The following WWP2 variants were observed in gnomAD, a reference collection of about 807,000 sequenced individuals.
WWP2 encodes WW domain containing E3 ubiquitin protein ligase 2, also known as NEDD4-like E3 ubiquitin-protein ligase WWP2.
Under a neutral mutation model 121.0 loss-of-function variants are expected in WWP2, and 57 were observed. The ratio of observed to expected loss-of-function variants is 0.47; its 90% CI spans 0.38 to 0.59. The LOEUF is 0.59. WWP2 is among the 20% of genes least tolerant of loss of function. The pLI is 0.00. For missense variants in WWP2, 962 were observed against 1,158.9 expected (o/e 0.83, Z 2.47); for synonymous variants, 449 against 441.3 (o/e 1.02, Z -0.22).
chr16:69,917,587 TA>T, intron 9 of WWP2, 121 bp from the exon 10 acceptor site: 1 of 1,179,996 alleles, frequency 8.5e-7, no homozygotes, highest in Non-Finnish European at 1.2e-6. Flanking sequence ...TATAATCAGC[TA>T]AGCCCCAGCA....
intron 4 of WWP2, among the ~76,000 whole-genome samples, chr16:69,819,759 A>G (rs2056559575): frequency 6.6e-6 from 1 of 152,192 alleles, no homozygotes; most frequent in African/African-American, 2.4e-5. Flanking sequence ...ATTTTTAAAA[A>G]TCATTAATTC....
intron 7 of WWP2, among the ~76,000 whole-genome samples, chr16:69,875,693 C>G (rs1311808022): frequency 6.6e-6 from 1 of 152,218 alleles, no homozygotes; most frequent in South Asian, 2.1e-4. Flanking sequence ...GACACAACTC[C>G]TAATCTATTC....
At chr16:69,913,339 A>T (rs1032250550) in intron 9 of WWP2, among the ~76,000 whole-genome samples, 1 of 151,748 alleles carries the variant, frequency 6.6e-6, no homozygotes, top group Non-Finnish European at 1.5e-5. Context: ...AGCCAAAAAA[A>T]AGTTTTTTTT....
At chr16:69,836,388 G>C (rs1470541349) in intron 4 of WWP2, among the ~76,000 whole-genome samples, 1 of 151,614 alleles carries the variant, frequency 6.6e-6, no homozygotes, top group African/African-American at 2.4e-5. Context: ...GCATCTGATT[G>C]CTTCCTCATG....
At chr16:69,912,369 TCACACACACACACACACACACACA>T (rs3051446) in intron 9 of WWP2, among the ~76,000 whole-genome samples, 4 of 140,196 alleles carry the variant, frequency 2.9e-5, no homozygotes, top group East Asian at 4.2e-4. Flanking sequence ...GGAGTTAGAT[TCACACACACACACACACACACACA>T]CACACACACA....
rs1021186044 is a variant in WWP2, at chr16:69,935,775, G to A, written c.1843-78G>A. On this transcript the variant is annotated intron_variant, in intron 17 of 23. Transcript: ENST00000359154. The surrounding 1 kb of genome is among the most constrained non-coding windows in gnomAD (Gnocchi z 5.2). ...AAGGCGGGTAGCGGTAGCAGAGTTT[G>A]ATACCGAGCATCTGAGAGCTGGTCT... The A allele has an allele frequency of 1.5e-5, 23 of 1,536,652 alleles. No homozygotes were observed. The Admixed American group carries it at 4.6e-4, about 31-fold the overall frequency.
intron 5 of WWP2, among the ~76,000 whole-genome samples, chr16:69,840,505 A>G (rs1230884234): frequency 2.0e-5 from 3 of 152,228 alleles, no homozygotes; most frequent in South Asian, 2.1e-4. Flanking sequence ...TAGCAGAGAA[A>G]AACATCTTTC....
intron 9 of WWP2, chr16:69,910,257 G>C (rs893897963): frequency 5.9e-5 from 28 of 473,290 alleles, no homozygotes; most frequent in Non-Finnish European, 7.4e-5. Context: ...ATCATTAACA[G>C]TATTTTGTTT....
intron 1 of WWP2, among the ~76,000 whole-genome samples, chr16:69,773,542 A>G (rs1314835484): frequency 5.9e-5 from 9 of 151,504 alleles, no homozygotes; most frequent in African/African-American, 2.4e-5. Context: ...AGTGCAGTGG[A>G]GTGATTACAG....
chr16:69,864,234 G>A (rs529335784), intron 6 of WWP2, among the ~76,000 whole-genome samples: 1 of 152,224 alleles, frequency 6.6e-6, no homozygotes, highest in African/African-American at 2.4e-5. Flanking sequence ...TGGACATGGT[G>A]GTGCGCACCT....
At chr16:69,792,394 G>A (rs1016701260) in intron 2 of WWP2, among the ~76,000 whole-genome samples, 2 of 152,096 alleles carry the variant, frequency 1.3e-5, no homozygotes, top group African/African-American at 4.8e-5. Context: ...GTCTTTATAT[G>A]ATTTTTGCCT....
At chr16:69,899,371 T>G (rs1188485994) in intron 8 of WWP2, among the ~76,000 whole-genome samples, 1 of 152,120 alleles carries the variant, frequency 6.6e-6, no homozygotes, top group Non-Finnish European at 1.5e-5. Flanking sequence ...ACACAAATTT[T>G]ATACACATTC....
In WWP2 at chr16:69,925,554, G is replaced by T; in HGVS notation, c.1234+70G>T. The T allele has an allele frequency of 2.6e-6, 4 of 1,568,102 alleles. No homozygotes were observed. Among genetic ancestry groups the T allele is most frequent in the Non-Finnish European group, 3.5e-6 (4 of 1,150,734 alleles). ...ACGGTGCTCTGTCCTCTCCTCCCGC[G>T]TGTCTTCCTTCCCTGTTCCTGTCCC... On this transcript the variant is annotated intron_variant, in intron 11 of 23. Transcript: ENST00000359154. The surrounding 1 kb of genome is among the most constrained non-coding windows in gnomAD (Gnocchi z 4.0).
At chr16:69,790,097 A>T (rs1176873441) in intron 2 of WWP2, among the ~76,000 whole-genome samples, 1 of 152,168 alleles carries the variant, frequency 6.6e-6, no homozygotes, top group South Asian at 2.1e-4. Context: ...ACACAAAAAA[A>T]TTAGCCAGGC....
chr16:69,807,070 C>G (rs1426184951), intron 4 of WWP2, among the ~76,000 whole-genome samples: 3 of 150,368 alleles, frequency 2.0e-5, no homozygotes, highest in African/African-American at 7.3e-5. Flanking sequence ...CTCTTTTTGC[C>G]CAGGATGGAG....
At chr16:69,834,785 C>G (rs1034361826) in intron 4 of WWP2, among the ~76,000 whole-genome samples, 1 of 152,016 alleles carries the variant, frequency 6.6e-6, no homozygotes, top group Non-Finnish European at 1.5e-5. Context: ...GCCTTGGCCT[C>G]TGAAAGTGCT....
At chr16:69,893,909 G>C (rs776068182) in intron 8 of WWP2, among the ~76,000 whole-genome samples, 1 of 152,102 alleles carries the variant, frequency 6.6e-6, no homozygotes, top group Non-Finnish European at 1.5e-5. Flanking sequence ...TGTGCAGCAC[G>C]GCTCCTCTTC....
chr16:69,899,657 AG>A (rs1386709941), intron 8 of WWP2, among the ~76,000 whole-genome samples: 1 of 127,874 alleles, frequency 7.8e-6, no homozygotes, highest in Non-Finnish European at 1.6e-5. Context: ...TGAACCCGGG[AG>A]GCGGAGGTTG....
intron 2 of WWP2, among the ~76,000 whole-genome samples, chr16:69,795,653 T>TTTG (rs2056020529): frequency 8.0e-6 from 1 of 124,912 alleles, no homozygotes; most frequent in Non-Finnish European, 1.7e-5. Flanking sequence ...TAGGAGGTTT[T>TTTG]TTTTTTTTTT....
Sources: allele counts gnomAD v4.1 joint callset (sites outside exome capture counted in the v4.1 genomes callset), GRCh38; gene constraint gnomAD v4.1.1; non-coding constraint Gnocchi (gnomAD v3.1); transcripts MANE v1.5; gene names NCBI Gene and HGNC (gene_info 2026-07-23, HGNC 2026-07-21).